RBFOX1: variants seen among roughly 807,000 people sequenced by gnomAD.
The protein encoded by RBFOX1 is RNA binding protein fox-1 homolog 1.
In RBFOX1, 8 loss-of-function variants were observed where a neutral mutation model predicts 57.7. The observed-to-expected ratio is 0.14, with a 90% CI of 0.08 to 0.25. The LOEUF (loss-of-function observed/expected upper bound fraction) is 0.25. Among genes scored for constraint, RBFOX1 ranks in the 10% least tolerant of loss-of-function variants. RBFOX1 has a pLI of 1.00. For missense variants in RBFOX1, 611 were observed against 548.5 expected (o/e 1.11, Z -1.14); for synonymous variants, 326 against 222.4 (o/e 1.47, Z -4.15).
chr16:5,819,377 G>C (rs184211339), intron 3 of RBFOX1, among the ~76,000 whole-genome samples: 2 of 152,264 alleles, frequency 1.3e-5, no homozygotes, highest in East Asian at 3.9e-4. Flanking sequence ...CAATTATTTA[G>C]ACCACAGCAC....
chr16:7,232,489 C>G (rs2093557233), intron 4 of RBFOX1, among the ~76,000 whole-genome samples: 1 of 152,112 alleles, frequency 6.6e-6, no homozygotes, highest in Non-Finnish European at 1.5e-5. Context: ...AATACCTCCC[C>G]ACACACATAT....
At position 6,961,145 on chromosome 16, in the gene RBFOX1, C is replaced by CACCCACACACACACA. The variant is rs142889433; in HGVS notation, c.-15-90912_-15-90911insACCCACACACACACA. ...GCAATAGAGACTCCATCACACACAC[C>CACCCACACACACACA]CACACAGACACACACACGCAAAAGA... On this transcript the variant is annotated intron_variant, in intron 3 of 15. Coordinates refer to ENST00000550418, the MANE Select transcript of RBFOX1 (RefSeq NM_018723.4). Among the ~76,000 whole-genome samples the CACCCACACACACACA allele has an allele frequency of 7.2e-3, 1,041 of 143,764 alleles. 10 individuals carry two copies. Among genetic ancestry groups the CACCCACACACACACA allele is most frequent in the African/African-American group, 0.026 (997 of 38,528 alleles). 94.3% of individuals were successfully genotyped at this position (143,764 alleles called of 152,430 possible).
At chr16:7,603,512 A>G (rs991644413) in intron 9 of RBFOX1, among the ~76,000 whole-genome samples, 1 of 152,212 alleles carries the variant, frequency 6.6e-6, no homozygotes, top group Non-Finnish European at 1.5e-5. Flanking sequence ...ATGGAATCCA[A>G]GAGTAACTCT....
chr16:6,920,549 C>T (rs145449840), intron 3 of RBFOX1, among the ~76,000 whole-genome samples: 1 of 152,168 alleles, frequency 6.6e-6, no homozygotes, highest in Non-Finnish European at 1.5e-5. Flanking sequence ...TAGTGGCAGG[C>T]TTGAAACAAC....
intron 3 of RBFOX1, among the ~76,000 whole-genome samples, chr16:5,688,829 C>G (rs996198062): frequency 6.6e-6 from 1 of 152,166 alleles, no homozygotes; most frequent in Admixed American, 6.5e-5. Context: ...TTTAAGAAAA[C>G]TAGAACTAGA....
chr16:6,764,353 A>G (rs967075670), intron 3 of RBFOX1, among the ~76,000 whole-genome samples: 1 of 152,172 alleles, frequency 6.6e-6, no homozygotes, highest in African/African-American at 2.4e-5. Flanking sequence ...AAAACCTGAA[A>G]TATTTTCAGT....
intron 3 of RBFOX1, among the ~76,000 whole-genome samples, chr16:5,710,826 G>A (rs1465867846): frequency 1.3e-5 from 2 of 152,182 alleles, no homozygotes; most frequent in South Asian, 4.2e-4. Context: ...TGCCAGGCAG[G>A]GCAAGAGCTG....
chr16:7,305,608 T>C (rs1444119715), intron 4 of RBFOX1, among the ~76,000 whole-genome samples: 1 of 152,194 alleles, frequency 6.6e-6, no homozygotes, highest in South Asian at 2.1e-4. Context: ...AGTGGCCCTC[T>C]TCCCCAAGAC....
intron 1 of RBFOX1, among the ~76,000 whole-genome samples, chr16:6,087,150 GA>G (rs902924195): frequency 6.6e-6 from 1 of 152,196 alleles, no homozygotes; most frequent in African/African-American, 2.4e-5. Flanking sequence ...TTAGATTTAT[GA>G]GGATAGATTC....
intron 6 of RBFOX1, 65 bp downstream of exon 6, chr16:7,579,985 G>GT (rs2093627984): frequency 6.5e-7 from 1 of 1,549,918 alleles, no homozygotes; most frequent in African/African-American, 1.4e-5. Flanking sequence ...CCTGTCTCAT[G>GT]TAAGTTTGGG....
At chr16:6,446,624 C>G (rs187689484) in intron 2 of RBFOX1, among the ~76,000 whole-genome samples, 4 of 152,228 alleles carry the variant, frequency 2.6e-5, no homozygotes, top group Admixed American at 2.6e-4. Context: ...CTTACAGATC[C>G]TTGGTTTCTT....
At chr16:7,669,126 A>T (rs1009654625) in intron 13 of RBFOX1, among the ~76,000 whole-genome samples, 1 of 152,018 alleles carries the variant, frequency 6.6e-6, no homozygotes, top group Non-Finnish European at 1.5e-5. Flanking sequence ...CTGGTCTCAA[A>T]CTCCTGACTT....
chr16:6,712,416 A>C (rs765508990), intron 3 of RBFOX1, among the ~76,000 whole-genome samples: 21 of 152,222 alleles, frequency 1.4e-4, no homozygotes, highest in Non-Finnish European at 2.2e-4. Context: ...GGCCACAGTA[A>C]TAGGATTTTC....
rs775849467 is a variant in RBFOX1, at chr16:5,476,733, C to G, written c.258+9479C>G. Among the ~76,000 whole-genome samples, 7 of 152,204 alleles carry G rather than the reference C, an allele frequency of 4.6e-5. 1 individual carries two copies. Among genetic ancestry groups the G allele is most frequent in the Non-Finnish European group, 1.0e-4 (7 of 68,042 alleles). Reference sequence around the variant, plus strand: ...GCTGCACAAACCACCAGCTCCTTTCCCTGCCTCTTGGGTGCCTCTGGGTTT... The same window carrying G: ...GCTGCACAAACCACCAGCTCCTTTCGCTGCCTCTTGGGTGCCTCTGGGTTT... On this transcript the variant is annotated intron_variant, in intron 2 of 2. Transcript: ENST00000585867.
chr16:7,143,068 C>A (rs780129532), intron 4 of RBFOX1, among the ~76,000 whole-genome samples: 3 of 152,070 alleles, frequency 2.0e-5, no homozygotes, highest in African/African-American at 4.8e-5. Context: ...CAGTGTCCTT[C>A]ATATTTTTTC....
intron 3 of RBFOX1, among the ~76,000 whole-genome samples, chr16:6,660,100 C>T (rs185637333): frequency 1.3e-5 from 2 of 151,828 alleles, no homozygotes; most frequent in African/African-American, 4.8e-5. Flanking sequence ...TGGCACACGC[C>T]TGTAGTCACA....
At chr16:6,992,672 G>A (rs1421553631) in intron 3 of RBFOX1, among the ~76,000 whole-genome samples, 1 of 152,018 alleles carries the variant, frequency 6.6e-6, no homozygotes, top group Admixed American at 6.6e-5. Flanking sequence ...ACCATATTCT[G>A]TTAGAGCCAC....
intron 4 of RBFOX1, among the ~76,000 whole-genome samples, chr16:7,315,197 G>C (rs1437927431): frequency 6.6e-6 from 1 of 151,740 alleles, no homozygotes; most frequent in Non-Finnish European, 1.5e-5. Context: ...ACTGAGAACT[G>C]AAAACCAACA....
chr16:5,570,480 A>G (rs893299657), intron 2 of RBFOX1, among the ~76,000 whole-genome samples: 1 of 152,192 alleles, frequency 6.6e-6, no homozygotes, highest in Non-Finnish European at 1.5e-5. Context: ...CCATTTGAGC[A>G]TTCTGGGTGC....
Sources: allele counts gnomAD v4.1 joint callset (sites outside exome capture counted in the v4.1 genomes callset), GRCh38; gene constraint gnomAD v4.1.1; transcripts MANE v1.5; gene names NCBI Gene and HGNC (gene_info 2026-07-23, HGNC 2026-07-21).